SLC25A15: variants seen among roughly 807,000 people sequenced by gnomAD.
SLC25A15 encodes the protein solute carrier family 25 member 15.
SLC25A15 carries 24 observed loss-of-function variants against 32.3 expected under a neutral mutation model. That is an observed-to-expected ratio of 0.74 (90% CI 0.54 to 1.04). The LOEUF (loss-of-function observed/expected upper bound fraction) is 1.04, where lower values mean the gene tolerates loss of function less well. Ranked by LOEUF, SLC25A15 falls within the 50% of genes least tolerant of loss-of-function variation. The pLI is 0.00. For missense variants in SLC25A15, 317 were observed against 374.5 expected (o/e 0.85, Z 1.27); for synonymous variants, 132 against 142.1 (o/e 0.93, Z 0.51).
intron 2 of SLC25A15, among the ~76,000 whole-genome samples, chr13:40,797,058 G>C (rs1225288364): frequency 6.6e-6 from 1 of 152,090 alleles, no homozygotes; most frequent in Non-Finnish European, 1.5e-5. Context: ...GAACCTACTA[G>C]GTGTCAGTCT....
chr13:40,794,478 C>T (rs1279295741), intron 2 of SLC25A15, among the ~76,000 whole-genome samples: 1 of 152,170 alleles, frequency 6.6e-6, no homozygotes, highest in East Asian at 1.9e-4. Flanking sequence ...CCTGAGGCTC[C>T]CCCAGCACAG....
At chr13:40,803,529 A>G (rs573972887) in intron 3 of SLC25A15, among the ~76,000 whole-genome samples, 3 of 152,234 alleles carry the variant, frequency 2.0e-5, no homozygotes, top group Admixed American at 6.5e-5. Flanking sequence ...CAGTTTCACA[A>G]CCCTGCTGGT....
At position 40,805,121 on chromosome 13, in the gene SLC25A15, T is replaced by C. The variant is rs1489408665; in HGVS notation, c.318T>C (p.Asp106=). ...AGLDKQAKLS[D]LQNAAAGSFA... is the part of the protein sequence containing the mutation. ...CTGTCTGCTTGTGTGCTTTCAGTGA[T>C]CTGCAGAATGCAGCCGCCGGTTCCT... Residue 106 remains aspartate, a synonymous_variant, in exon 4 of 7, where the codon GAT becomes GAC. Transcript: ENST00000338625. The C allele has an allele frequency of 6.2e-7, 1 of 1,614,106 alleles. No homozygotes were observed. The highest frequency in any genetic ancestry group is 2.2e-5 in the East Asian group (1 of 44,884).
intron 4 of SLC25A15, among the ~76,000 whole-genome samples, chr13:40,805,942 G>C (rs973691985): frequency 6.6e-6 from 1 of 152,144 alleles, no homozygotes; most frequent in Non-Finnish European, 1.5e-5. Context: ...TACTTATCTT[G>C]ACATCTGGCT....
intron 5 of SLC25A15, 50 bp from the exon 6 acceptor site, chr13:40,808,388 A>G: frequency 6.5e-7 from 1 of 1,529,792 alleles, no homozygotes; most frequent in Non-Finnish European, 9.0e-7. Flanking sequence ...GAAATGTCAC[A>G]TCAGCTGTTC....
intron 4 of SLC25A15, among the ~76,000 whole-genome samples, chr13:40,805,658 G>T (rs117344987): frequency 6.6e-6 from 1 of 152,176 alleles, no homozygotes; most frequent in East Asian, 1.9e-4. Flanking sequence ...TTCAGGTTTC[G>T]TATGGGTATT....
In SLC25A15 at chr13:40,806,783, G is replaced by C. The variant is rs147693130; in HGVS notation, c.453-511G>C. Among the ~76,000 whole-genome samples, 315 of 152,320 alleles carry C rather than the reference G, an allele frequency of 2.1e-3. 1 individual carries two copies. The highest frequency in any genetic ancestry group is 7.3e-3 in the African/African-American group (305 of 41,560). On this transcript the variant is annotated intron_variant, in intron 4 of 6. Transcript: ENST00000338625. ...GCCCTGGTTGCCCTCAATCATGAAG[G>C]GGAGTCAGACAAAGAGTGTCCTGTG... is the stretch of plus-strand genomic sequence containing the variant.
At chr13:40,798,966 G>C (rs1214401570) in intron 2 of SLC25A15, 91 bp from the exon 3 acceptor site, 7 of 1,611,050 alleles carry the variant, frequency 4.3e-6, no homozygotes, top group South Asian at 1.1e-5. Flanking sequence ...CCGAAGCAGG[G>C]GTAAGTTCTG....
In SLC25A15 at chr13:40,793,241, T is replaced by A. The variant is rs757399947; in HGVS notation, c.15T>A (p.Pro5=). MKSN[P]AIQAAIDLTA... is the part of the protein sequence containing the mutation. ...AGTGGGCAAACATGAAATCCAATCC[T>A]GCTATCCAGGCTGCCATTGACCTCA... is the stretch of plus-strand genomic sequence containing the variant. The change falls in exon 2 of 7, where the codon CCT becomes CCA. Residue 5 remains proline, a synonymous_variant. Transcript: ENST00000338625. 6.2e-7 allele frequency: 1 copy of A among 1,614,152 alleles called. No homozygotes were observed. The highest frequency in any genetic ancestry group is 1.1e-5 in the South Asian group (1 of 91,056).
Position 40,802,684 on chromosome 13 carries a change from C to T in SLC25A15, c.315-2434C>T, listed in dbSNP as rs141768168. Among the ~76,000 whole-genome samples the T allele has an allele frequency of 8.7e-3, 1,319 of 151,884 alleles. 12 individuals are homozygous for T. The highest frequency in any genetic ancestry group is 0.028 in the African/African-American group (1,174 of 41,396). ...TCGCCTCCCCAGTTCAAGCAATTCT[C>T]CTGCCTCAGCCTCCCGAGTAGCTGG... On this transcript the variant is annotated intron_variant, in intron 3 of 6. Coordinates refer to ENST00000338625, the MANE Select transcript of SLC25A15 (RefSeq NM_014252.4).
At chr13:40,795,160 C>T (rs1401062689) in intron 2 of SLC25A15, among the ~76,000 whole-genome samples, 2 of 152,138 alleles carry the variant, frequency 1.3e-5, no homozygotes, top group African/African-American at 2.4e-5. Context: ...CTGGGGAGGA[C>T]GCTGACCCTG....
chr13:40,806,194 A>G (rs1225554593), intron 4 of SLC25A15, among the ~76,000 whole-genome samples: 1 of 152,248 alleles, frequency 6.6e-6, no homozygotes, highest in African/African-American at 2.4e-5. Flanking sequence ...TACACATAGT[A>G]TCATGAATGC....
rs1286685583 is a variant in SLC25A15, at chr13:40,793,181, C to T, written c.-46C>T. 1 of 1,607,120 alleles carries T rather than the reference C, an allele frequency of 6.2e-7. No individual in the cohort carries two copies. Among genetic ancestry groups the T allele is most frequent in the Admixed American group, 1.7e-5 (1 of 59,942 alleles). On this transcript the variant is annotated 5_prime_UTR_variant, in exon 2 of 7. Coordinates refer to ENST00000338625, the MANE Select transcript of SLC25A15 (RefSeq NM_014252.4). ...AGGGATATGTGGTGCCTGTCATAAGCTCCAGAGAGCTGCCTTCCACAAGAC... is the reference window on the plus strand; with the variant it reads ...AGGGATATGTGGTGCCTGTCATAAGTTCCAGAGAGCTGCCTTCCACAAGAC...
chr13:40,790,539 T>C (rs1881442601), intron 1 of SLC25A15, among the ~76,000 whole-genome samples: 1 of 152,226 alleles, frequency 6.6e-6, no homozygotes, highest in Non-Finnish European at 1.5e-5. Flanking sequence ...TTAGTACCCA[T>C]CATCGTTTTC....
intron 2 of SLC25A15, among the ~76,000 whole-genome samples, chr13:40,796,367 C>T (rs1881670479): frequency 6.6e-6 from 1 of 152,100 alleles, no homozygotes; most frequent in South Asian, 2.1e-4. Context: ...ATTTCAAGAA[C>T]TTAGGTGATT....
chr13:40,799,879 A>T (rs1458920127), intron 3 of SLC25A15, among the ~76,000 whole-genome samples: 1 of 152,230 alleles, frequency 6.6e-6, no homozygotes. Context: ...GAGGAGTTTT[A>T]GGAAGGGTCG....
intron 2 of SLC25A15, among the ~76,000 whole-genome samples, chr13:40,797,834 ATTTTGATGAAGC>A (rs1244220509): frequency 3.3e-5 from 5 of 152,300 alleles, no homozygotes; most frequent in African/African-American, 1.2e-4. Context: ...CTTCTTTTGC[ATTTTGATGAAGC>A]TTTAAGAGCT....
At position 40,799,099 on chromosome 13, in the gene SLC25A15, T is replaced by G. The variant is rs199737843; in HGVS notation, c.98T>G (p.Met33Arg). Residue 33 changes from methionine (M) to arginine (R), a missense_variant, in exon 3 of 7, where the codon ATG (methionine) becomes AGG (arginine). Met to Arg is a moderately conservative substitution (Grantham distance 91, BLOSUM62 -1). Transcript: ENST00000338625. ...CTGACCGGGCAGCCCTTTGACACAA[T>G]GAAAGTGAAGATGCAGACGTTCCCT... ...CVLTGQPFDT[M>R]KVKMQTFPDL... 6.2e-6 allele frequency: 10 copies of G among 1,614,004 alleles called. No homozygotes were observed. The highest frequency in any genetic ancestry group is 8.5e-6 in the Non-Finnish European group (10 of 1,180,020).
chr13:40,801,877 C>G (rs1342398777), intron 3 of SLC25A15, among the ~76,000 whole-genome samples: 1 of 152,196 alleles, frequency 6.6e-6, no homozygotes, highest in East Asian at 1.9e-4. Flanking sequence ...ATTCATACTA[C>G]ATGCAGAACC....
Sources: gnomAD v4.1 joint callset for allele counts (sites outside exome capture counted in the v4.1 genomes callset) on GRCh38, gnomAD v4.1.1 for gene constraint, MANE v1.5 for transcripts, NCBI Gene and HGNC (gene_info 2026-07-23, HGNC 2026-07-21) for gene names.